The following PEPD variants were observed in gnomAD, a reference collection of about 807,000 sequenced individuals.
PEPD encodes the protein xaa-Pro dipeptidase.
Under a neutral mutation model 60.7 loss-of-function variants are expected in PEPD, and 53 were observed. That is an observed-to-expected ratio of 0.87 (90% CI 0.70 to 1.10). The LOEUF is 1.10. Among genes scored for constraint, PEPD ranks in the 50% least tolerant of loss-of-function variants. The pLI, the probability that PEPD is intolerant of heterozygous loss-of-function variation, is 0.00. For missense variants in PEPD, 711 were observed against 711.9 expected, an observed-to-expected ratio of 1.00 and a Z score of 0.01; for synonymous variants, 267 against 284.1, an observed-to-expected ratio of 0.94 and a Z score of 0.60.
chr19:33,411,700 C>T lies in PEPD; in HGVS notation c.790G>A (p.Asp264Asn), dbSNP rs760037246. ...LHYGHAGAPN[D>N]RTIQNGDMCL... ...ATATCCCCATTCTGGATCGTTCGGTCGTTGGGAGCTCCGGCGTGTCCGTAG... is the reference window on the plus strand; with the variant it reads ...ATATCCCCATTCTGGATCGTTCGGTTGTTGGGAGCTCCGGCGTGTCCGTAG... Residue 264 changes from aspartate to asparagine, a missense_variant, in exon 11 of 15, where the codon GAC becomes AAC. Physicochemically the swap from Asp to Asn is conservative, Grantham distance 23. Transcript: ENST00000244137. 3.7e-5 allele frequency: 59 copies of T among 1,610,396 alleles called. No individual in the cohort carries two copies. In the Middle Eastern group the frequency reaches 5.0e-4, roughly 14 times the overall value.
At chr19:33,451,673 T>C (rs915801764) in intron 9 of PEPD, among the ~76,000 whole-genome samples, 5 of 152,180 alleles carry the variant, frequency 3.3e-5, no homozygotes, top group Non-Finnish European at 5.9e-5. Context: ...ATAAACAACC[T>C]ATTTTAAAAA....
At chr19:33,470,768 C>T (rs917674516) in intron 7 of PEPD, among the ~76,000 whole-genome samples, 6 of 152,158 alleles carry the variant, frequency 3.9e-5, no homozygotes, top group Admixed American at 3.3e-4. Context: ...GAAAAGGAGG[C>T]CTCTCCACCC....
rs1291429827 is a variant in PEPD, at chr19:33,395,713, G to A, written c.968-4234C>T. ...AGTGTGACAGCCCCAGGGGGCTCCC[G>A]GGCCTGACCGAGCTACAAAGGCAGC... On this transcript the variant is annotated intron_variant, in intron 12 of 14. Transcript: ENST00000244137. Among the ~76,000 whole-genome samples, 7 of 152,162 alleles carry A rather than the reference G, an allele frequency of 4.6e-5. No individual in the cohort carries two copies. The East Asian group carries it at 5.8e-4, about 13-fold the overall frequency.
At chr19:33,446,170 G>A (rs1048822425) in intron 9 of PEPD, among the ~76,000 whole-genome samples, 8 of 152,070 alleles carry the variant, frequency 5.3e-5, no homozygotes, top group Admixed American at 1.3e-4. Context: ...TCATCTGTTT[G>A]ATCTCGGAGC....
intron 7 of PEPD, among the ~76,000 whole-genome samples, chr19:33,468,827 A>G (rs955148798): frequency 2.0e-5 from 3 of 152,202 alleles, no homozygotes; most frequent in African/African-American, 7.2e-5. Context: ...GCCTGACAGC[A>G]TGCTGTTAAT....
chr19:33,392,255 G>T (rs183970405), intron 12 of PEPD, among the ~76,000 whole-genome samples: 266 of 152,294 alleles, frequency 1.7e-3, no homozygotes, highest in African/African-American at 6.0e-3. Context: ...GAGCTTTGGG[G>T]GCCACACAGG....
At chr19:33,480,444 C>G (rs144213404) in intron 6 of PEPD, among the ~76,000 whole-genome samples, 2 of 152,092 alleles carry the variant, frequency 1.3e-5, no homozygotes, top group African/African-American at 2.4e-5. Context: ...TAGTTGGAGA[C>G]GTCAATAATC....
intron 11 of PEPD, among the ~76,000 whole-genome samples, chr19:33,406,014 C>A (rs771494563): frequency 6.6e-6 from 1 of 152,210 alleles, no homozygotes; most frequent in Non-Finnish European, 1.5e-5. Context: ...GACAGAGGCA[C>A]GGCACCAGTG....
rs780319782 is a variant in PEPD, at chr19:33,512,763, G to C, written c.31C>G (p.Leu11Val). 1 of 1,613,934 alleles carries C rather than the reference G, an allele frequency of 6.2e-7. No homozygotes were observed. Residue 11 changes from leucine to valine, a missense_variant, in exon 2 of 15, where the codon CTG (leucine) becomes GTG (valine). Coordinates refer to ENST00000244137, the MANE Select transcript of PEPD (RefSeq NM_000285.4). Reference sequence around the variant, plus strand: ...GGCACCTTCAGGGTTTCATTCCCCAGCCAAAACGAGGGTCTGCAGAGGCAA... The same window carrying C: ...GGCACCTTCAGGGTTTCATTCCCCACCCAAAACGAGGGTCTGCAGAGGCAA... MAAATGPSFW[L>V]GNETLKVPLA...
intron 5 of PEPD, among the ~76,000 whole-genome samples, chr19:33,492,940 G>C (rs942594780): frequency 6.6e-6 from 1 of 152,102 alleles, no homozygotes; most frequent in Non-Finnish European, 1.5e-5. Flanking sequence ...ACAGTGGCGC[G>C]ATCATACCTC....
chr19:33,491,194 CCTGTAATCCCAGCA>C (rs924121941), intron 5 of PEPD, among the ~76,000 whole-genome samples: 6 of 152,032 alleles, frequency 3.9e-5, no homozygotes, highest in African/African-American at 1.4e-4. Flanking sequence ...GTGGCTCACG[CCTGTAATCCCAGCA>C]CTTTGGGAGG....
intron 4 of PEPD, among the ~76,000 whole-genome samples, chr19:33,494,691 C>A (rs1415069766): frequency 1.3e-5 from 2 of 152,230 alleles, no homozygotes; most frequent in Non-Finnish European, 2.9e-5. Flanking sequence ...TTACACACAG[C>A]ATCTCATTTA....
chr19:33,477,934 G>A lies in PEPD; in HGVS notation c.548+112C>T, dbSNP rs1970248811. ...AAAAGGCTATGGGAGAAGGTTCTGG[G>A]AATCTGCTTTCTGAGGGGCTCTCTG... On this transcript the variant is annotated intron_variant, in intron 7 of 14. Transcript: ENST00000244137. 4.5e-5 allele frequency: 35 copies of A among 770,464 alleles called. 1 individual carries two copies. The South Asian group carries it at 5.1e-4, about 11-fold the overall frequency. 47.7% of individuals were successfully genotyped at this position (770,464 alleles called of 1,614,324 possible).
At chr19:33,489,946 G>A (rs1164489265) in intron 6 of PEPD, 50 bp downstream of exon 6, 4 of 1,043,698 alleles carry the variant, frequency 3.8e-6, no homozygotes, top group East Asian at 4.9e-5. Flanking sequence ...GCTAGTGAAG[G>A]TGGGAGTGGG....
intron 9 of PEPD, among the ~76,000 whole-genome samples, chr19:33,445,723 G>C (rs1192727984): frequency 6.6e-6 from 1 of 152,166 alleles, no homozygotes; most frequent in Non-Finnish European, 1.5e-5. Flanking sequence ...GCACCTTCAG[G>C]CCAGAGGGTG....
At chr19:33,411,109 T>G (rs1171221360) in intron 11 of PEPD, among the ~76,000 whole-genome samples, 1 of 152,150 alleles carries the variant, frequency 6.6e-6, no homozygotes, top group Non-Finnish European at 1.5e-5. Context: ...CTCCTTGTCG[T>G]GGCTTCTATG....
chr19:33,472,171 A>AAAAAAT (rs1457925196), intron 7 of PEPD, among the ~76,000 whole-genome samples: 1 of 152,022 alleles, frequency 6.6e-6, no homozygotes, highest in Admixed American at 6.6e-5. Flanking sequence ...CAAAAAAAAA[A>AAAAAAT]AAAAAAATCA....
At chr19:33,484,613 A>C (rs1299842962) in intron 6 of PEPD, among the ~76,000 whole-genome samples, 1 of 152,152 alleles carries the variant, frequency 6.6e-6, no homozygotes, top group Non-Finnish European at 1.5e-5. Flanking sequence ...ACAAACACAC[A>C]CTAAGGCACA....
At chr19:33,411,810 G>T in intron 10 of PEPD, 61 bp from the exon 11 acceptor site, 2 of 1,024,932 alleles carry the variant, frequency 2.0e-6, no homozygotes, top group Middle Eastern at 2.1e-4. Flanking sequence ...TCTGAAGGAG[G>T]GGGTGGATGC....
Sources: gnomAD v4.1 joint callset for allele counts (sites outside exome capture counted in the v4.1 genomes callset) on GRCh38, gnomAD v4.1.1 for gene constraint, MANE v1.5 for transcripts, NCBI Gene and HGNC (gene_info 2026-07-23, HGNC 2026-07-21) for gene names.